Variants in PCDH1 observed in about 807,000 individuals in gnomAD.
PCDH1 encodes protocadherin-1.
In PCDH1, 23 loss-of-function variants were observed where a neutral mutation model predicts 74.6. The ratio of observed to expected loss-of-function variants is 0.31; its 90% CI spans 0.22 to 0.44. The LOEUF is 0.44. PCDH1 is among the 20% of genes least tolerant of loss of function. The pLI is 1.00. For missense variants in PCDH1, 1,214 were observed against 1,641.4 expected, an observed-to-expected ratio of 0.74 and a Z score of 4.50; for synonymous variants, 647 against 686.1, an observed-to-expected ratio of 0.94 and a Z score of 0.89.
Position 141,864,069 on chromosome 5 carries a change from G to A in PCDH1, c.2262C>T (p.Tyr754=). Residue 754 remains tyrosine, a synonymous_variant, in exon 3 of 5, where the codon TAC becomes TAT. Coordinates refer to ENST00000287008, the MANE Select transcript of PCDH1 (RefSeq NM_032420.5). This position sits in a 1 kb window ranked among gnomAD's most constrained non-coding sequence, Gnocchi z 5.9. ...CATAAGGGTTGCCACCTGCAATGCT[G>A]TAGATCAGCTCAGCATTGACACCAG... ...FDSGVNAELI[Y]SIAGGNPYGL... is the part of the protein sequence containing the mutation. The A allele has an allele frequency of 1.2e-6, 2 of 1,613,746 alleles. No individual in the cohort carries two copies. Among genetic ancestry groups the A allele is most frequent in the Non-Finnish European group, 1.7e-6 (2 of 1,179,754 alleles).
At chr5:141,861,401 A>G (rs1257950554) in intron 3 of PCDH1, among the ~76,000 whole-genome samples, 3 of 152,204 alleles carry the variant, frequency 2.0e-5, no homozygotes, top group African/African-American at 7.2e-5. Flanking sequence ...GTGTGGCTCC[A>G]TGGATGGGTT....
Position 141,868,724 on chromosome 5 carries a change from T to C in PCDH1, c.748A>G (p.Ile250Val), listed in dbSNP as rs757855778. The change falls in exon 2 of 5, where the codon ATC becomes GTC. Residue 250 changes from isoleucine (I) to valine (V), a missense_variant. Around this residue, in one of 4 missense-constraint regions of PCDH1, gnomAD observed 836 missense variants for 1,182.2 expected, o/e 0.71. Coordinates refer to ENST00000287008, the MANE Select transcript of PCDH1 (RefSeq NM_032420.5). This position sits in a 1 kb window ranked among gnomAD's most constrained non-coding sequence, Gnocchi z 4.8. ...RERWDSYDLT[I>V]KVQDGGSPPR... The stretch of plus-strand genomic sequence containing the variant: ...GGGCTGCCGCCATCCTGCACCTTGA[T>C]GGTGAGGTCATAGGAGTCCCAGCGC... The C allele has an allele frequency of 6.8e-6, 11 of 1,614,054 alleles. No homozygotes were observed. Among genetic ancestry groups the C allele is most frequent in the Admixed American group, 3.3e-5 (2 of 60,000 alleles).
chr5:141,863,306 T>C lies in PCDH1; in HGVS notation c.3025A>G (p.Thr1009Ala). ...PANTFVGTGD[T>A]TSTGSEQYSD... is the part of the protein sequence containing the mutation. Reference sequence around the variant, plus strand: ...TACTGCTCAGAGCCCGTGGACGTGGTGTCCCCGGTGCCCACGAATGTGTTT... The same window carrying C: ...TACTGCTCAGAGCCCGTGGACGTGGCGTCCCCGGTGCCCACGAATGTGTTT... The change falls in exon 3 of 5, where the codon ACC (threonine) becomes GCC (alanine). Residue 1009 changes from threonine (T) to alanine (A), a missense_variant. Thr to Ala is a moderately conservative substitution (Grantham distance 58). Coordinates refer to ENST00000287008, the MANE Select transcript of PCDH1 (RefSeq NM_032420.5). This position sits in a 1 kb window ranked among gnomAD's most constrained non-coding sequence, Gnocchi z 7.5. The C allele has an allele frequency of 1.3e-6, 2 of 1,564,774 alleles. No homozygotes were observed. The highest frequency in any genetic ancestry group is 1.7e-6 in the Non-Finnish European group (2 of 1,154,352).
chr5:141,863,627 T>C lies in PCDH1; in HGVS notation c.2704A>G (p.Ser902Gly), dbSNP rs760818102. Residue 902 changes from serine to glycine, a missense_variant, in exon 3 of 5, where the codon AGT becomes GGT. Physicochemically the swap from Ser to Gly is moderately conservative, Grantham distance 56 (BLOSUM62 0). Coordinates refer to ENST00000287008, the MANE Select transcript of PCDH1 (RefSeq NM_032420.5). The surrounding 1 kb of genome is among the most constrained non-coding windows in gnomAD (Gnocchi z 7.5). ...ETKDLYAPKPSGKASKGNKSK... is the reference protein window; with the variant it reads ...ETKDLYAPKPGGKASKGNKSK... ...TTGTTTCCCTTGGAGGCCTTGCCAC[T>C]GGGCTTGGGGGCATACAGGTCCTTG... 5.0e-6 allele frequency: 8 copies of C among 1,614,188 alleles called. No individual in the cohort carries two copies. In the South Asian group the frequency reaches 7.7e-5, roughly 16 times the overall value.
Position 141,853,297 on chromosome 5 carries a change from CA to C in PCDH1, c.*744del, listed in dbSNP as rs1452702975. 6.6e-6 allele frequency: 1 copy of C among 152,182 alleles called. No individual in the cohort carries two copies. The highest frequency in any genetic ancestry group is 1.5e-5 in the Non-Finnish European group (1 of 68,168). The allele number at this position is 152,182 out of a possible 1,614,324, so 9.4% of individuals were successfully genotyped here. A position where few individuals can be genotyped will look rare whatever the true frequency, so the allele number is the denominator to read the frequency against. On this transcript the variant is annotated 3_prime_UTR_variant, in exon 5 of 5. Coordinates refer to ENST00000287008, the MANE Select transcript of PCDH1 (RefSeq NM_032420.5). ...GCACTGCGGCAGGGAGGAGGGGGCA[CA>C]GGGCAGGTCCCCCCCCAGAGGGGTC...
chr5:141,875,595 T>C (rs1016183795), intron 1 of PCDH1, among the ~76,000 whole-genome samples: 3 of 151,292 alleles, frequency 2.0e-5, no homozygotes, highest in Non-Finnish European at 4.4e-5. Context: ...CCTGCAGAAG[T>C]AGCCACAGCA....
chr5:141,869,592 C>T lies in PCDH1; in HGVS notation c.41-161G>A. On this transcript the variant is annotated intron_variant, in intron 1 of 4. Coordinates refer to ENST00000287008, the MANE Select transcript of PCDH1 (RefSeq NM_032420.5). The surrounding 1 kb of genome is among the most constrained non-coding windows in gnomAD (Gnocchi z 4.9). Reference sequence around the variant, plus strand: ...GAACCCCGATTCCAGAAACTCAGATCCCTGAATCTCATCCACAGCTGGGTG... The same window carrying T: ...GAACCCCGATTCCAGAAACTCAGATTCCTGAATCTCATCCACAGCTGGGTG... 1 of 1,535,110 alleles carries T rather than the reference C, an allele frequency of 6.5e-7. No homozygotes were observed.
At chr5:141,856,314 C>CG (rs1752335356) in intron 4 of PCDH1, 2 of 603,938 alleles carry the variant, frequency 3.3e-6, no homozygotes, top group Non-Finnish European at 5.7e-6. Context: ...CATGGAGGGG[C>CG]GGGGTGGGGG....
At chr5:141,876,060 G>A (rs912573551) in intron 1 of PCDH1, among the ~76,000 whole-genome samples, 3 of 152,218 alleles carry the variant, frequency 2.0e-5, no homozygotes, top group African/African-American at 7.2e-5. Flanking sequence ...CTTGGTCAGC[G>A]GGCGCTCCCA....
Position 141,857,527 on chromosome 5 carries a change from A to G in PCDH1, c.3100-56T>C. 1.3e-5 allele frequency: 19 copies of G among 1,464,304 alleles called. 1 individual carries two copies. The South Asian group carries it at 2.4e-4, about 18-fold the overall frequency. 90.7% of individuals were successfully genotyped at this position (1,464,304 alleles called of 1,614,324 possible). Reference sequence around the variant, plus strand: ...AGCCAGCTTGCCCACAGGGCCCACCACCATACCAGGCCCTAGTACAAGCCA... The same window carrying G: ...AGCCAGCTTGCCCACAGGGCCCACCGCCATACCAGGCCCTAGTACAAGCCA... On this transcript the variant is annotated intron_variant, in intron 3 of 4. Transcript: ENST00000287008.
chr5:141,857,779 T>C (rs1752407232), intron 3 of PCDH1, among the ~76,000 whole-genome samples: 1 of 152,208 alleles, frequency 6.6e-6, no homozygotes, highest in African/African-American at 2.4e-5. Flanking sequence ...AACCGCTTGT[T>C]ATAGCACAAC....
In PCDH1 at chr5:141,865,644, T is replaced by C. The variant is rs537315977; in HGVS notation, c.904-217A>G. Among the ~76,000 whole-genome samples, 1 of 152,232 alleles carries C rather than the reference T, an allele frequency of 6.6e-6. No individual in the cohort carries two copies. Among genetic ancestry groups the C allele is most frequent in the Non-Finnish European group, 1.5e-5 (1 of 68,050 alleles). On this transcript the variant is annotated intron_variant, in intron 2 of 4. Coordinates refer to ENST00000287008, the MANE Select transcript of PCDH1 (RefSeq NM_032420.5). This position sits in a 1 kb window ranked among gnomAD's most constrained non-coding sequence, Gnocchi z 4.4. ...AACCTATTTTCCTGAAGAGCCCAGA[T>C]GCAGCCTGCAAATCCTCAACAGTGC...
intron 4 of PCDH1, among the ~76,000 whole-genome samples, chr5:141,856,420 C>T (rs1244956765): frequency 3.9e-5 from 6 of 152,080 alleles, no homozygotes; most frequent in Non-Finnish European, 8.8e-5. Context: ...GTGAAACCTC[C>T]CATCTTTTGT....
At chr5:141,858,875 T>G (rs978280735) in intron 3 of PCDH1, among the ~76,000 whole-genome samples, 5 of 152,052 alleles carry the variant, frequency 3.3e-5, no homozygotes, top group Non-Finnish European at 7.4e-5. Context: ...GGCCCTGGCT[T>G]TGTAGACTTA....
Position 141,863,887 on chromosome 5 carries a change from G to C in PCDH1, c.2444C>G (p.Thr815Ser), listed in dbSNP as rs780499912. The change falls in exon 3 of 5, where the codon ACT (threonine) becomes AGT (serine). Residue 815 changes from threonine (T) to serine (S), a missense_variant. Thr to Ser is a moderately conservative substitution (Grantham distance 58). Coordinates refer to ENST00000287008, the MANE Select transcript of PCDH1 (RefSeq NM_032420.5). This position sits in a 1 kb window ranked among gnomAD's most constrained non-coding sequence, Gnocchi z 7.5. ...TALVHLYVNE[T>S]LANRTLLETL... The stretch of plus-strand genomic sequence containing the variant: ...CTCCAGCAGCGTGCGGTTGGCCAGA[G>C]TCTCATTGACATAAAGATGGACCAA... 6.2e-7 allele frequency: 1 copy of C among 1,614,176 alleles called. No homozygotes were observed. Among genetic ancestry groups the C allele is most frequent in the South Asian group, 1.1e-5 (1 of 91,086 alleles).
intron 4 of PCDH1, among the ~76,000 whole-genome samples, chr5:141,854,651 C>T (rs72794082): frequency 0.14 from 21,911 of 152,114 alleles, 1,920 homozygotes; most frequent in East Asian, 0.22. Context: ...CGCACACACA[C>T]ATAATCTATC....
intron 1 of PCDH1, among the ~76,000 whole-genome samples, chr5:141,870,046 T>C (rs1322069800): frequency 6.6e-6 from 1 of 152,202 alleles, no homozygotes; most frequent in African/African-American, 2.4e-5. Context: ...TGTTCTGAGA[T>C]GCCAAGTCAG....
At chr5:141,855,861 A>C (rs1023187988) in intron 4 of PCDH1, among the ~76,000 whole-genome samples, 1 of 152,148 alleles carries the variant, frequency 6.6e-6, no homozygotes, top group Non-Finnish European at 1.5e-5. Flanking sequence ...GTTGCTGGGC[A>C]GCGGGGGTCT....
In PCDH1 at chr5:141,865,793, T is replaced by C. The variant is rs749753638; in HGVS notation, c.904-366A>G. ...AGAACTAGGGAAGCCATTTCACCAA[T>C]GAACCCTGCCTGAACCCTCCTGAAG... On this transcript the variant is annotated intron_variant, in intron 2 of 4. Coordinates refer to ENST00000287008, the MANE Select transcript of PCDH1 (RefSeq NM_032420.5). The surrounding 1 kb of genome is among the most constrained non-coding windows in gnomAD (Gnocchi z 4.4). Among the ~76,000 whole-genome samples the C allele has an allele frequency of 6.6e-6, 1 of 152,224 alleles. No individual in the cohort carries two copies. The highest frequency in any genetic ancestry group is 2.1e-4 in the South Asian group (1 of 4,828).
Sources: gnomAD v4.1 joint callset for allele counts (sites outside exome capture counted in the v4.1 genomes callset) on GRCh38, gnomAD v4.1.1 for gene constraint, gnomAD v4.1.1 regional missense constraint, Gnocchi (gnomAD v3.1) non-coding constraint, MANE v1.5 for transcripts, NCBI Gene and HGNC (gene_info 2026-07-23, HGNC 2026-07-21) for gene names.